The following SORCS3 variants were observed in gnomAD, a reference collection of about 807,000 sequenced individuals.
SORCS3 encodes VPS10 domain-containing receptor SorCS3.
SORCS3 carries 57 observed loss-of-function variants against 146.3 expected under a neutral mutation model. The ratio of observed to expected loss-of-function variants is 0.39; its 90% confidence interval spans 0.31 to 0.49. The LOEUF is 0.49. Among genes scored for constraint, SORCS3 ranks in the 20% least tolerant of loss-of-function variants. The pLI is 0.92. For missense variants in SORCS3, 1,341 were observed against 1,575.5 expected (o/e 0.85, Z 2.52); for synonymous variants, 653 against 618.5 (o/e 1.06, Z -0.83).
chr10:105,194,523 G>A (rs2056533996), intron 14 of SORCS3, among the ~76,000 whole-genome samples: 1 of 152,050 alleles, frequency 6.6e-6, no homozygotes, highest in Non-Finnish European at 1.5e-5. Context: ...CAAGGAAGTG[G>A]GATTTAATAA....
At chr10:104,998,071 A>G (rs1269174897) in intron 4 of SORCS3, among the ~76,000 whole-genome samples, 1 of 152,154 alleles carries the variant, frequency 6.6e-6, no homozygotes, top group Non-Finnish European at 1.5e-5. Flanking sequence ...TAGGTGCTCA[A>G]TACATACCTG....
intron 1 of SORCS3, among the ~76,000 whole-genome samples, chr10:104,780,131 G>A (rs1459121580): frequency 1.2e-5 from 1 of 84,028 alleles, no homozygotes; most frequent in Admixed American, 1.3e-4. Context: ...GCCCTGAGAG[G>A]AGGCAGTTTT....
rs12572785 is a variant in SORCS3 at position 104,751,416 on chromosome 10, C to G, written c.628-91376C>G. On this transcript the variant is annotated intron_variant, in intron 1 of 26. Coordinates refer to ENST00000369701, the MANE Select transcript of SORCS3 (RefSeq NM_014978.3). Reference sequence around the variant, plus strand: ...GAGCAGATGAGTGACAGGATTCTGACCATCCTGCAAGAGATGGGCCAGCCT... The same window carrying G: ...GAGCAGATGAGTGACAGGATTCTGAGCATCCTGCAAGAGATGGGCCAGCCT... 8.7e-3 allele frequency among the ~76,000 whole-genome samples: 1,328 copies of G among 152,200 alleles called. 74 individuals are homozygous for G. In the East Asian group the frequency reaches 0.15, roughly 17 times the overall value.
intron 1 of SORCS3, among the ~76,000 whole-genome samples, chr10:104,741,364 T>TATCTGTCTCATTAG (rs1465048882): frequency 3.3e-5 from 5 of 152,224 alleles, no homozygotes; most frequent in African/African-American, 1.2e-4. Flanking sequence ...CTGGCAGGCG[T>TATCTGTCTCATTAG]ATCTGTCTCA....
chr10:104,807,185 G>C (rs568286467), intron 1 of SORCS3, among the ~76,000 whole-genome samples: 9 of 151,116 alleles, frequency 6.0e-5, no homozygotes, highest in African/African-American at 1.7e-4. Flanking sequence ...CTTGCTCTCT[G>C]TGTGTGTGTG....
At chr10:105,068,167 C>G (rs1379651872) in intron 5 of SORCS3, among the ~76,000 whole-genome samples, 1 of 152,142 alleles carries the variant, frequency 6.6e-6, no homozygotes, top group East Asian at 1.9e-4. Context: ...TGCCATTCCC[C>G]AAATGTAGAA....
chr10:104,644,680 A>G (rs998688962), intron 1 of SORCS3, among the ~76,000 whole-genome samples: 1 of 152,198 alleles, frequency 6.6e-6, no homozygotes, highest in African/African-American at 2.4e-5. Context: ...ATGACGTGGA[A>G]AGAGAATTTT....
chr10:104,932,409 A>G (rs1014833820), intron 3 of SORCS3, among the ~76,000 whole-genome samples: 3 of 152,286 alleles, frequency 2.0e-5, no homozygotes, highest in Admixed American at 1.3e-4. Context: ...GAAGTGAGGG[A>G]GAAAGAAGTG....
chr10:104,953,228 C>G (rs1435089560), intron 3 of SORCS3, among the ~76,000 whole-genome samples: 3 of 152,198 alleles, frequency 2.0e-5, no homozygotes, highest in Admixed American at 6.5e-5. Flanking sequence ...ACTGACCCAT[C>G]ATGGTGAAGG....
intron 1 of SORCS3, among the ~76,000 whole-genome samples, chr10:104,774,268 T>G (rs2017283737): frequency 6.6e-6 from 1 of 152,144 alleles, no homozygotes; most frequent in Admixed American, 6.5e-5. Flanking sequence ...AGCCCTTCCC[T>G]GGGACAGCAG....
chr10:104,681,916 C>G (rs1170797530), intron 1 of SORCS3, among the ~76,000 whole-genome samples: 1 of 152,102 alleles, frequency 6.6e-6, no homozygotes, highest in Non-Finnish European at 1.5e-5. Context: ...ACATATTTCT[C>G]TTTTTTTTCC....
At chr10:105,239,878 G>C (rs1449138738) in intron 20 of SORCS3, among the ~76,000 whole-genome samples, 1 of 152,230 alleles carries the variant, frequency 6.6e-6, no homozygotes, top group Non-Finnish European at 1.5e-5. Flanking sequence ...GAGTGTTCCA[G>C]CTTTGCAAGG....
chr10:104,915,332 G>A (rs1327864657), intron 2 of SORCS3, among the ~76,000 whole-genome samples: 4 of 152,032 alleles, frequency 2.6e-5, no homozygotes, highest in Non-Finnish European at 5.9e-5. Context: ...AAGTTTTCTG[G>A]GCACTTCCTA....
chr10:104,823,373 A>T (rs776488771), intron 1 of SORCS3, among the ~76,000 whole-genome samples: 3 of 151,924 alleles, frequency 2.0e-5, no homozygotes, highest in African/African-American at 2.4e-5. Context: ...AATTATACTA[A>T]CTTCTTGGAT....
intron 1 of SORCS3, among the ~76,000 whole-genome samples, chr10:104,786,156 C>T (rs765406503): frequency 1.1e-4 from 16 of 151,764 alleles, no homozygotes; most frequent in Middle Eastern, 3.2e-3. Flanking sequence ...ATTTATTTAG[C>T]GCTTATTTAG....
intron 7 of SORCS3, among the ~76,000 whole-genome samples, chr10:105,127,042 GC>G (rs1382952209): frequency 1.3e-5 from 2 of 152,080 alleles, no homozygotes; most frequent in Non-Finnish European, 2.9e-5. Flanking sequence ...ACCAGTACTC[GC>G]TGATTGACAA....
intron 4 of SORCS3, among the ~76,000 whole-genome samples, chr10:104,993,206 C>T (rs2133664638): frequency 6.6e-6 from 1 of 152,292 alleles, no homozygotes; most frequent in South Asian, 2.1e-4. Flanking sequence ...AAAGGAGATG[C>T]TTGTTTCCCA....
intron 1 of SORCS3, among the ~76,000 whole-genome samples, chr10:104,703,381 A>G (rs535062592): frequency 2.0e-5 from 3 of 152,290 alleles, no homozygotes; most frequent in Admixed American, 1.3e-4. Context: ...GCCAGCATCT[A>G]TTGTTTCCTG....
In SORCS3 at chr10:104,902,470, G is replaced by A. The variant is rs183684116; in HGVS notation, c.696-13363G>A. ...CCAAGGCCCTTGCAGGCTTTTGCAT[G>A]GATTGACCATGAAAATTGCTGTCTT... is the stretch of plus-strand genomic sequence containing the variant. On this transcript the variant is annotated intron_variant, in intron 2 of 26. Coordinates refer to ENST00000369701, the MANE Select transcript of SORCS3 (RefSeq NM_014978.3). 3.6e-3 allele frequency among the ~76,000 whole-genome samples: 556 copies of A among 152,338 alleles called. 5 individuals carry two copies. The highest frequency in any genetic ancestry group is 2.5e-3 in the Non-Finnish European group (172 of 68,024).
Sources: allele counts gnomAD v4.1 joint callset (sites outside exome capture counted in the v4.1 genomes callset), GRCh38; gene constraint gnomAD v4.1.1; transcripts MANE v1.5; gene names NCBI Gene and HGNC (gene_info 2026-07-23, HGNC 2026-07-21).